Variants in CNBD1 observed in about 807,000 individuals in gnomAD.
CNBD1 encodes cyclic nucleotide binding domain containing 1.
In CNBD1, 71 loss-of-function variants were observed where a neutral mutation model predicts 54.4. The ratio of observed to expected loss-of-function variants is 1.30; its 90% CI spans 1.08 to 1.59. The LOEUF is 1.59. CNBD1 is among the 40% of genes most tolerant of loss of function. The pLI is 0.00. For missense variants in CNBD1, 659 were observed against 518.0 expected (o/e 1.27, Z -2.64); for synonymous variants, 182 against 170.7 (o/e 1.07, Z -0.51).
chr8:87,342,099 C>T (rs1438985172), intron 8 of CNBD1, among the ~76,000 whole-genome samples: 1 of 152,034 alleles, frequency 6.6e-6, no homozygotes, highest in Non-Finnish European at 1.5e-5. Context: ...CGGCGAAACC[C>T]TGTTTCTACT....
intron 8 of CNBD1, among the ~76,000 whole-genome samples, chr8:87,306,937 G>A (rs1187154022): frequency 1.3e-5 from 2 of 151,888 alleles, no homozygotes; most frequent in East Asian, 1.9e-4. Context: ...ATGTACCCCA[G>A]GATATGGGGG....
intron 6 of CNBD1, among the ~76,000 whole-genome samples, chr8:87,259,488 T>A (rs1808091270): frequency 6.6e-6 from 1 of 152,236 alleles, no homozygotes; most frequent in African/African-American, 2.4e-5. Flanking sequence ...GCTGTTCTTA[T>A]TTCCCAAAGG....
chr8:87,370,232 G>A (rs1345829857), intron 10 of CNBD1, among the ~76,000 whole-genome samples: 1 of 151,876 alleles, frequency 6.6e-6, no homozygotes, highest in African/African-American at 2.4e-5. Context: ...TAGTCCTTTG[G>A]GTATATACCC....
intron 6 of CNBD1, among the ~76,000 whole-genome samples, chr8:87,280,849 A>G (rs1222236309): frequency 6.6e-6 from 1 of 151,562 alleles, no homozygotes; most frequent in East Asian, 1.9e-4. Context: ...AAACTTAGTT[A>G]TCAATTTATT....
At chr8:87,342,644 C>T (rs893856335) in intron 8 of CNBD1, among the ~76,000 whole-genome samples, 1 of 151,970 alleles carries the variant, frequency 6.6e-6, no homozygotes, top group Admixed American at 6.6e-5. Flanking sequence ...TACAGCTGGG[C>T]CTCTGAGGGT....
intron 2 of CNBD1, among the ~76,000 whole-genome samples, chr8:87,389,721 T>C (rs1197518794): frequency 2.0e-5 from 3 of 152,244 alleles, no homozygotes; most frequent in South Asian, 2.1e-4. Flanking sequence ...AAGATACCAA[T>C]GACTTTCTTC....
At chr8:86,925,263 G>T (rs187840664) in intron 3 of CNBD1, among the ~76,000 whole-genome samples, 12 of 152,226 alleles carry the variant, frequency 7.9e-5, no homozygotes, top group Non-Finnish European at 1.5e-4. Flanking sequence ...TATTTCCCTC[G>T]TTTGGTACTA....
chr8:86,959,839 A>T (rs1398064123), intron 4 of CNBD1, among the ~76,000 whole-genome samples: 3 of 152,134 alleles, frequency 2.0e-5, no homozygotes, highest in African/African-American at 7.2e-5. Context: ...TGATCATCTG[A>T]AGCCTTCTTC....
chr8:87,391,612 A>G (rs1325171179), intron 2 of CNBD1, among the ~76,000 whole-genome samples: 4 of 152,086 alleles, frequency 2.6e-5, no homozygotes, highest in Non-Finnish European at 5.9e-5. Context: ...TAATCTTTTC[A>G]ACAAATCATG....
chr8:86,962,149 CAAG>C (rs895233534), intron 4 of CNBD1, among the ~76,000 whole-genome samples: 49 of 152,168 alleles, frequency 3.2e-4, no homozygotes, highest in Admixed American at 9.8e-4. Context: ...TTTGTTTTCC[CAAG>C]AAGTCCCAGG....
intron 1 of CNBD1, among the ~76,000 whole-genome samples, chr8:86,886,470 G>C (rs1003565636): frequency 2.0e-5 from 3 of 152,062 alleles, no homozygotes; most frequent in Non-Finnish European, 4.4e-5. Flanking sequence ...TATATGATAT[G>C]ATATGGATAA....
intron 3 of CNBD1, among the ~76,000 whole-genome samples, chr8:86,933,051 G>C (rs1484073459): frequency 6.6e-6 from 1 of 152,128 alleles, no homozygotes; most frequent in Non-Finnish European, 1.5e-5. Flanking sequence ...AGAAAGGTCG[G>C]AGTGGAGGGC....
At chr8:87,293,006 T>C (rs1275176672) in intron 8 of CNBD1, among the ~76,000 whole-genome samples, 1 of 152,186 alleles carries the variant, frequency 6.6e-6, no homozygotes, top group African/African-American at 2.4e-5. Context: ...TAAACGACTT[T>C]TTATTTAAGT....
chr8:87,364,820 T>A (rs940598900), intron 10 of CNBD1, among the ~76,000 whole-genome samples: 5 of 152,092 alleles, frequency 3.3e-5, no homozygotes, highest in African/African-American at 1.2e-4. Context: ...AAGGACATGA[T>A]ATCATTCTTT....
intron 4 of CNBD1, among the ~76,000 whole-genome samples, chr8:87,002,469 G>A (rs973229409): frequency 1.3e-5 from 2 of 152,176 alleles, no homozygotes; most frequent in Non-Finnish European, 1.5e-5. Flanking sequence ...GACTTCACAC[G>A]TAATACTCTG....
chr8:87,370,303 A>G (rs1173075050), intron 10 of CNBD1, among the ~76,000 whole-genome samples: 1 of 152,146 alleles, frequency 6.6e-6, no homozygotes, highest in African/African-American at 2.4e-5. Flanking sequence ...GAATCGCCAC[A>G]CTGACTTCCA....
intron 4 of CNBD1, among the ~76,000 whole-genome samples, chr8:87,068,849 T>C (rs1027796505): frequency 6.6e-6 from 1 of 152,042 alleles, no homozygotes; most frequent in Non-Finnish European, 1.5e-5. Flanking sequence ...GGAACTTTGT[T>C]GTACCCTTGG....
intron 4 of CNBD1, among the ~76,000 whole-genome samples, chr8:87,141,687 A>G (rs955039640): frequency 3.3e-5 from 5 of 152,122 alleles, no homozygotes; most frequent in African/African-American, 1.2e-4. Context: ...AATAATATTA[A>G]GCAAATGAAG....
rs1333475509 is a variant in CNBD1 at position 87,166,982 on chromosome 8, G to A, written c.432-39011G>A. Reference sequence around the variant, plus strand: ...CTGAAGCTTAACCAAAATGAATGTAGATAGCAATGTGACCATATAAAATAT... The same window carrying A: ...CTGAAGCTTAACCAAAATGAATGTAAATAGCAATGTGACCATATAAAATAT... On this transcript the variant is annotated intron_variant, in intron 4 of 10. Coordinates refer to ENST00000518476, the MANE Select transcript of CNBD1 (RefSeq NM_173538.3). This position sits in a 1 kb window ranked among gnomAD's most constrained non-coding sequence, Gnocchi z 4.3. Among the ~76,000 whole-genome samples the A allele has an allele frequency of 1.3e-5, 2 of 151,860 alleles. No homozygotes were observed. Among genetic ancestry groups the A allele is most frequent in the Non-Finnish European group, 1.5e-5 (1 of 67,924 alleles).
Sources: gnomAD v4.1 joint callset for allele counts (sites outside exome capture counted in the v4.1 genomes callset) on GRCh38, gnomAD v4.1.1 for gene constraint, Gnocchi (gnomAD v3.1) non-coding constraint, MANE v1.5 for transcripts, NCBI Gene and HGNC (gene_info 2026-07-23, HGNC 2026-07-21) for gene names.